The following EPOR variants were observed in gnomAD, a reference collection of about 807,000 sequenced individuals.
The protein encoded by EPOR is erythropoietin receptor.
A neutral mutation model predicts 34.3 loss-of-function variants in EPOR; 20 were observed. The observed-to-expected ratio is 0.58, with a 90% CI of 0.41 to 0.85. The LOEUF is 0.85. Among genes scored for constraint, EPOR ranks in the 40% least tolerant of loss-of-function variants. The pLI is 0.00. For missense variants in EPOR, 601 were observed against 672.7 expected, an observed-to-expected ratio of 0.89 and a Z score of 1.18; for synonymous variants, 312 against 299.0, an observed-to-expected ratio of 1.04 and a Z score of -0.45.
In EPOR at chr19:11,378,738, C is replaced by G. The variant is rs1291097518; in HGVS notation, c.868G>C (p.Glu290Gln). The change falls in exon 7 of 8, where the codon GAG becomes CAG. Residue 290 changes from glutamate to glutamine, a missense_variant. Physicochemically the swap from Glu to Gln is conservative, Grantham distance 29. Coordinates refer to ENST00000222139, the MANE Select transcript of EPOR (RefSeq NM_000121.4). This position sits in a 1 kb window ranked among gnomAD's most constrained non-coding sequence, Gnocchi z 5.3. ...GTGAAGAGGCCTTCAAACTCGCTCT[C>G]TGGGCTCGGGATGCCAGGCCAGATC... ...QKIWPGIPSPESEFEGLFTTH... is the reference protein window; with the variant it reads ...QKIWPGIPSPQSEFEGLFTTH... 1.9e-6 allele frequency: 3 copies of G among 1,614,204 alleles called. No individual in the cohort carries two copies. The highest frequency in any genetic ancestry group is 2.5e-6 in the Non-Finnish European group (3 of 1,180,046).
Position 11,381,882 on chromosome 19 carries a change from G to A in EPOR, c.428-33C>T, listed in dbSNP as rs139654323. On this transcript the variant is annotated intron_variant, in intron 3 of 7. Transcript: ENST00000222139. This position sits in a 1 kb window ranked among gnomAD's most constrained non-coding sequence, Gnocchi z 5.3. ...CATGGGGGTTGGTCAGGTGGGCGAG[G>A]ACTGAGACCCTCTCCTCCGACCACT... The A allele has an allele frequency of 4.3e-5, 69 of 1,614,200 alleles. No homozygotes were observed. In the African/African-American group the frequency reaches 7.3e-4, roughly 17 times the overall value.
At position 11,383,853 on chromosome 19, in the gene EPOR, T is replaced by C. The variant is rs975505395; in HGVS notation, c.115+240A>G. On this transcript the variant is annotated intron_variant, in intron 1 of 7. Coordinates refer to ENST00000222139, the MANE Select transcript of EPOR (RefSeq NM_000121.4). The surrounding 1 kb of genome is among the most constrained non-coding windows in gnomAD (Gnocchi z 4.9). ...ACTCCCTGAAAAGGTAAAACGGGAATGTTAAGCCCACTCTAGCTCTTGCCC... is the reference window on the plus strand; with the variant it reads ...ACTCCCTGAAAAGGTAAAACGGGAACGTTAAGCCCACTCTAGCTCTTGCCC... 2.7e-5 allele frequency among the ~76,000 whole-genome samples: 4 copies of C among 149,716 alleles called. No homozygotes were observed. The highest frequency in any genetic ancestry group is 5.9e-5 in the Non-Finnish European group (4 of 67,710).
In EPOR at chr19:11,382,895, T is replaced by C. The variant is rs377609533; in HGVS notation, c.251+202A>G. 2.4e-3 allele frequency: 3,662 copies of C among 1,528,698 alleles called. 114 individuals carry two copies. The South Asian group carries it at 0.041, about 17-fold the overall frequency. The allele number at this position is 1,528,698 out of a possible 1,614,324, so 94.7% of individuals were successfully genotyped here. A position where few individuals can be genotyped will look rare whatever the true frequency, so the allele number is the denominator to read the frequency against. The stretch of plus-strand genomic sequence containing the variant: ...CCCAGCCTGATGTTTGGGGTCGCGT[T>C]CCAGCGGTGATCGCGGGAGTGTTCG... On this transcript the variant is annotated intron_variant, in intron 2 of 7. Coordinates refer to ENST00000222139, the MANE Select transcript of EPOR (RefSeq NM_000121.4).
chr19:11,381,317 G>A lies in EPOR; in HGVS notation c.586-108C>T. The A allele has an allele frequency of 6.6e-6, 8 of 1,220,350 alleles. No individual in the cohort carries two copies. The highest frequency in any genetic ancestry group is 9.3e-6 in the Non-Finnish European group (8 of 856,418). 75.6% of individuals were successfully genotyped at this position (1,220,350 alleles called of 1,614,324 possible). On this transcript the variant is annotated intron_variant, in intron 4 of 7. Coordinates refer to ENST00000222139, the MANE Select transcript of EPOR (RefSeq NM_000121.4). The surrounding 1 kb of genome is among the most constrained non-coding windows in gnomAD (Gnocchi z 5.3). Reference sequence around the variant, plus strand: ...CAGGGGAAAGGAAAACGGTGCCCTAGAATTGCAATGGGACCAATAAGAGTA... The same window carrying A: ...CAGGGGAAAGGAAAACGGTGCCCTAAAATTGCAATGGGACCAATAAGAGTA...
At position 11,381,104 on chromosome 19, in the gene EPOR, C is replaced by T. The variant is rs1349306962; in HGVS notation, c.691G>A (p.Gly231Ser). The T allele has an allele frequency of 2.5e-6, 4 of 1,592,732 alleles. No homozygotes were observed. Among genetic ancestry groups the T allele is most frequent in the Admixed American group, 1.7e-5 (1 of 57,382 alleles). Residue 231 changes from glycine (G) to serine (S), a missense_variant, in exon 5 of 8, where the codon GGC becomes AGC. Gly to Ser is a moderately conservative substitution (Grantham distance 56). Coordinates refer to ENST00000222139, the MANE Select transcript of EPOR (RefSeq NM_000121.4). The surrounding 1 kb of genome is among the most constrained non-coding windows in gnomAD (Gnocchi z 5.3). ...RARMAEPSFG[G>S]FWSAWSEPVS... ...GGCTCCGACCAGGCGCTCCAGAAGC[C>T]GCCGAAGCTCGGCTCAGCCATACGC... is the stretch of plus-strand genomic sequence containing the variant.
chr19:11,384,089 T>C lies in EPOR; in HGVS notation c.115+4A>G. The C allele has an allele frequency of 6.5e-7, 1 of 1,541,852 alleles. No homozygotes were observed. Among genetic ancestry groups the C allele is most frequent in the South Asian group, 1.2e-5 (1 of 83,848 alleles). On this transcript the variant is annotated splice_donor_region_variant and intron_variant, in intron 1 of 7. Transcript: ENST00000222139. ...GTAGGGGTCCACACGCAGCTCATCC[T>C]TACCTTTGCTCTCGAACTTGGGGTC...
rs1599416505 is a variant in EPOR, at chr19:11,378,030, A to G, written c.1481T>C (p.Ile494Thr). The G allele has an allele frequency of 6.2e-7, 1 of 1,614,124 alleles. No individual in the cohort carries two copies. ...PYSNPYENSL[I>T]PAAEPLPPSY... ...GGGGGGCAGAGGCTCAGCGGCTGGG[A>G]TAAGGCTGTTCTCATAAGGGTTGGA... Residue 494 changes from isoleucine (I) to threonine (T), a missense_variant, in exon 8 of 8, where the codon ATC becomes ACC. By Grantham distance (89) the Ile-to-Thr change is moderately conservative (BLOSUM62 -1). Coordinates refer to ENST00000222139, the MANE Select transcript of EPOR (RefSeq NM_000121.4). This position sits in a 1 kb window ranked among gnomAD's most constrained non-coding sequence, Gnocchi z 5.3.
rs1968405417 is a variant in EPOR, at chr19:11,384,244, C to T, written c.-37G>A. The T allele has an allele frequency of 2.3e-6, 3 of 1,308,336 alleles. No homozygotes were observed. The East Asian group carries it at 7.5e-5, about 33-fold the overall frequency. The allele number at this position is 1,308,336 out of a possible 1,614,324, so 81.0% of individuals were successfully genotyped here. On this transcript the variant is annotated 5_prime_UTR_variant, in exon 1 of 8. Coordinates refer to ENST00000222139, the MANE Select transcript of EPOR (RefSeq NM_000121.4). ...CGCCACGGGGAGCCCAGGGCTCCTG[C>T]CCCTCCGTCCCCCGCCCCCGGCACA...
chr19:11,383,173 C>A lies in EPOR; in HGVS notation c.175G>T (p.Asp59Tyr). The A allele has an allele frequency of 1.2e-6, 2 of 1,612,884 alleles. No homozygotes were observed. The highest frequency in any genetic ancestry group is 1.7e-6 in the Non-Finnish European group (2 of 1,179,926). Residue 59 changes from aspartate (D) to tyrosine (Y), a missense_variant, in exon 2 of 8, where the codon GAC becomes TAC. Physicochemically the swap from Asp to Tyr is radical, Grantham distance 160 (BLOSUM62 -3). Transcript: ENST00000222139. This position sits in a 1 kb window ranked among gnomAD's most constrained non-coding sequence, Gnocchi z 4.9. ...GCTTCCTCCCAGAAACACACCAAGT[C>A]CTCCAACCGCTCGGTGAAGCACAGA... ...ELLCFTERLE[D>Y]LVCFWEEAAS... is the part of the protein sequence containing the mutation.
In EPOR at chr19:11,378,699, T is replaced by A. The variant is rs1968317423; in HGVS notation, c.907A>T (p.Asn303Tyr). 1.2e-6 allele frequency: 2 copies of A among 1,614,086 alleles called. No individual in the cohort carries two copies. Among genetic ancestry groups the A allele is most frequent in the Non-Finnish European group, 1.7e-6 (2 of 1,180,030 alleles). ...FEGLFTTHKG[N>Y]FQLWLYQNDG... ...ACAACCAGGCCACCTACCTGGAAGTTACCCTTGTGGGTGGTGAAGAGGCCT... is the reference window on the plus strand; with the variant it reads ...ACAACCAGGCCACCTACCTGGAAGTAACCCTTGTGGGTGGTGAAGAGGCCT... Residue 303 changes from asparagine to tyrosine, a missense_variant, in exon 7 of 8, where the codon AAC (asparagine) becomes TAC (tyrosine). Coordinates refer to ENST00000222139, the MANE Select transcript of EPOR (RefSeq NM_000121.4). This position sits in a 1 kb window ranked among gnomAD's most constrained non-coding sequence, Gnocchi z 5.3.
rs1035876227 is a variant in EPOR, at chr19:11,377,378, T to C, written c.*606A>G. The C allele has an allele frequency of 2.2e-6, 1 of 453,980 alleles. No individual in the cohort carries two copies. The highest frequency in any genetic ancestry group is 2.0e-5 in the African/African-American group (1 of 50,008). The allele number at this position is 453,980 out of a possible 1,614,324, so 28.1% of individuals were successfully genotyped here. A position where few individuals can be genotyped will look rare whatever the true frequency, so the allele number is the denominator to read the frequency against. ...GTGTGAGAAGAAGAGAGGAAGCCCATTTCCAGGCCAGATCCCTCAAATGGC... is the reference window on the plus strand; with the variant it reads ...GTGTGAGAAGAAGAGAGGAAGCCCACTTCCAGGCCAGATCCCTCAAATGGC... On this transcript the variant is annotated 3_prime_UTR_variant, in exon 8 of 8. Coordinates refer to ENST00000222139, the MANE Select transcript of EPOR (RefSeq NM_000121.4).
rs1360301475 is a variant in EPOR, at chr19:11,378,011, C to T, written c.1500G>A (p.Leu500=). The T allele has an allele frequency of 6.2e-6, 10 of 1,614,034 alleles. No individual in the cohort carries two copies. Among genetic ancestry groups the T allele is most frequent in the African/African-American group, 1.3e-5 (1 of 74,916 alleles). Residue 500 remains leucine (L), a synonymous_variant, in exon 8 of 8, where the codon CTG becomes CTA. Coordinates refer to ENST00000222139, the MANE Select transcript of EPOR (RefSeq NM_000121.4). This position sits in a 1 kb window ranked among gnomAD's most constrained non-coding sequence, Gnocchi z 5.3. ...AAGAGCAAGCCACATAGCTGGGGGG[C>T]AGAGGCTCAGCGGCTGGGATAAGGC... ...ENSLIPAAEP[L]PPSYVACS
chr19:11,378,486 A>G lies in EPOR; in HGVS notation c.1025T>C (p.Met342Thr), dbSNP rs1968313737. Residue 342 changes from methionine (M) to threonine (T), a missense_variant, in exon 8 of 8, where the codon ATG becomes ACG. Coordinates refer to ENST00000222139, the MANE Select transcript of EPOR (RefSeq NM_000121.4). The surrounding 1 kb of genome is among the most constrained non-coding windows in gnomAD (Gnocchi z 5.3). ...ATCTGTCCCCGGCTCCACTGCCTGCATCGTCCCCCAGCAGCGCTCTGAGAG... is the reference window on the plus strand; with the variant it reads ...ATCTGTCCCCGGCTCCACTGCCTGCGTCGTCCCCCAGCAGCGCTCTGAGAG... ...EVLSERCWGTMQAVEPGTDDE... is the reference protein window; with the variant it reads ...EVLSERCWGTTQAVEPGTDDE... 6.2e-7 allele frequency: 1 copy of G among 1,614,186 alleles called. No homozygotes were observed. Among genetic ancestry groups the G allele is most frequent in the Non-Finnish European group, 8.5e-7 (1 of 1,180,016 alleles).
chr19:11,381,595 A>G lies in EPOR; in HGVS notation c.585+97T>C. The G allele has an allele frequency of 7.8e-7, 1 of 1,288,572 alleles. No homozygotes were observed. 79.8% of individuals were successfully genotyped at this position (1,288,572 alleles called of 1,614,324 possible). A position where few individuals can be genotyped will look rare whatever the true frequency, so the allele number is the denominator to read the frequency against. On this transcript the variant is annotated intron_variant, in intron 4 of 7. Transcript: ENST00000222139. This position sits in a 1 kb window ranked among gnomAD's most constrained non-coding sequence, Gnocchi z 5.3. ...GGTAATGGGATGTGGGATGTTACGG[A>G]CCGGCCCTGAAAGCGGCACCGGGCG...
chr19:11,378,513 A>G lies in EPOR; in HGVS notation c.998T>C (p.Val333Ala). The change falls in exon 8 of 8, where the codon GTC becomes GCC. Residue 333 changes from valine to alanine, a missense_variant. Coordinates refer to ENST00000222139, the MANE Select transcript of EPOR (RefSeq NM_000121.4). The surrounding 1 kb of genome is among the most constrained non-coding windows in gnomAD (Gnocchi z 5.3). Reference protein sequence around the residue: ...FTEDPPASLEVLSERCWGTMQ... With the variant: ...FTEDPPASLEALSERCWGTMQ... ...CGTCCCCCAGCAGCGCTCTGAGAGG[A>G]CTTCCAGGGAAGCAGGTGGGTCCTC... 6.2e-7 allele frequency: 1 copy of G among 1,614,060 alleles called. No individual in the cohort carries two copies. The highest frequency in any genetic ancestry group is 8.5e-7 in the Non-Finnish European group (1 of 1,179,990).
At position 11,381,567 on chromosome 19, in the gene EPOR, C is replaced by G. The variant is rs1479030023; in HGVS notation, c.585+125G>C. 7 of 1,010,810 alleles carry G rather than the reference C, an allele frequency of 6.9e-6. No homozygotes were observed. The East Asian group carries it at 1.8e-4, about 26-fold the overall frequency. 62.6% of individuals were successfully genotyped at this position (1,010,810 alleles called of 1,614,324 possible). A position where few individuals can be genotyped will look rare whatever the true frequency, so the allele number is the denominator to read the frequency against. ...GTGGGCGTGGAACGGTCTTCAGCAC[C>G]AGGGTAATGGGATGTGGGATGTTAC... On this transcript the variant is annotated intron_variant, in intron 4 of 7. Coordinates refer to ENST00000222139, the MANE Select transcript of EPOR (RefSeq NM_000121.4). The surrounding 1 kb of genome is among the most constrained non-coding windows in gnomAD (Gnocchi z 5.3).
In EPOR at chr19:11,380,441, CA is replaced by C. The variant is rs1968340198; in HGVS notation, c.827+442del. On this transcript the variant is annotated intron_variant, in intron 6 of 7. Transcript: ENST00000222139. Reference sequence around the variant, plus strand: ...GGAAGGGCATTCCAGGCAGAGGGAACAGCATGGGCAAAAGCTTGGGGGTGTG... The same window carrying C: ...GGAAGGGCATTCCAGGCAGAGGGAACGCATGGGCAAAAGCTTGGGGGTGTG... Among the ~76,000 whole-genome samples the C allele has an allele frequency of 3.9e-5, 6 of 152,348 alleles. No homozygotes were observed. The South Asian group carries it at 8.3e-4, about 21-fold the overall frequency.
Position 11,379,787 on chromosome 19 carries a change from C to T in EPOR, c.828-1009G>A, listed in dbSNP as rs562713613. On this transcript the variant is annotated intron_variant, in intron 6 of 7. Transcript: ENST00000222139. ...ACGATCTCGGCTCACCCGCAACCTC[C>T]ACCTCCCAGGTTCAAGTGATTCTCC... 4.6e-5 allele frequency among the ~76,000 whole-genome samples: 7 copies of T among 152,212 alleles called. No individual in the cohort carries two copies. The South Asian group carries it at 1.0e-3, about 23-fold the overall frequency.
Position 11,383,675 on chromosome 19 carries a change from C to G in EPOR, c.115+418G>C, listed in dbSNP as rs1968396901. ...CGGGCCGGGCAAGTGATCTGGCGCC[C>G]TCACACAAACCGTGTTTACAGTAGC... On this transcript the variant is annotated intron_variant, in intron 1 of 7. Transcript: ENST00000222139. This position sits in a 1 kb window ranked among gnomAD's most constrained non-coding sequence, Gnocchi z 4.9. 3.9e-6 allele frequency: 1 copy of G among 253,306 alleles called. No individual in the cohort carries two copies. Among genetic ancestry groups the G allele is most frequent in the South Asian group, 4.8e-5 (1 of 20,732 alleles). 15.7% of individuals were successfully genotyped at this position (253,306 alleles called of 1,614,324 possible).
Sources: allele counts gnomAD v4.1 joint callset (sites outside exome capture counted in the v4.1 genomes callset), GRCh38; gene constraint gnomAD v4.1.1; non-coding constraint Gnocchi (gnomAD v3.1); transcripts MANE v1.5; gene names NCBI Gene and HGNC (gene_info 2026-07-23, HGNC 2026-07-21).